Variants in PARVB observed in about 807,000 individuals in gnomAD.
The protein encoded by PARVB is beta-parvin.
A neutral mutation model predicts 47.0 loss-of-function variants in PARVB; 46 were observed. That is an observed-to-expected ratio of 0.98 (90% CI 0.77 to 1.25). The LOEUF is 1.25. Ranked by LOEUF, PARVB falls within the 50% of genes most tolerant of loss-of-function variation. PARVB has a pLI of 0.00. For missense variants in PARVB, 473 were observed against 471.6 expected (o/e 1.00, Z -0.03); for synonymous variants, 196 against 196.3 (o/e 1.00, Z 0.01).
chr22:44,161,669 C>T (rs1487912287), intron 11 of PARVB, among the ~76,000 whole-genome samples: 1 of 152,170 alleles, frequency 6.6e-6, no homozygotes, highest in South Asian at 2.1e-4. Flanking sequence ...GCACCACCCT[C>T]CTTTGTGAAG....
At chr22:44,032,431 T>A (rs1370602789) in intron 1 of PARVB, among the ~76,000 whole-genome samples, 2 of 152,094 alleles carry the variant, frequency 1.3e-5, no homozygotes, top group Admixed American at 6.5e-5. Flanking sequence ...GCCCATTTCT[T>A]CATTTCTAAT....
At chr22:44,123,126 G>A (rs1258104742) in intron 4 of PARVB, among the ~76,000 whole-genome samples, 1 of 152,194 alleles carries the variant, frequency 6.6e-6, no homozygotes, top group Non-Finnish European at 1.5e-5. Context: ...CTTTCCTGTA[G>A]CCACTTTCTG....
intron 2 of PARVB, among the ~76,000 whole-genome samples, chr22:44,097,074 A>G (rs995866230): frequency 2.0e-5 from 3 of 151,784 alleles, no homozygotes; most frequent in African/African-American, 7.3e-5. Flanking sequence ...AGCCACCGAG[A>G]GGAGCATGGC....
intron 10 of PARVB, among the ~76,000 whole-genome samples, chr22:44,156,310 A>C (rs1601696599): frequency 1.2e-4 from 14 of 116,458 alleles, no homozygotes; most frequent in African/African-American, 1.7e-4. Flanking sequence ...AGACAGTTTC[A>C]CTCCTGTTAC....
At chr22:44,031,090 T>G (rs1046670515) in intron 1 of PARVB, among the ~76,000 whole-genome samples, 9 of 152,278 alleles carry the variant, frequency 5.9e-5, no homozygotes, top group African/African-American at 2.2e-4. Flanking sequence ...AATTCCACAC[T>G]GTTATCTCTA....
chr22:44,033,752 A>T (rs1220900132), intron 1 of PARVB, among the ~76,000 whole-genome samples: 1 of 152,232 alleles, frequency 6.6e-6, no homozygotes, highest in African/African-American at 2.4e-5. Context: ...TTACAGTTCC[A>T]CAGGATCTAG....
intron 1 of PARVB, among the ~76,000 whole-genome samples, chr22:44,091,677 T>C (rs2052170705): frequency 1.3e-5 from 2 of 152,206 alleles, no homozygotes; most frequent in Non-Finnish European, 2.9e-5. Flanking sequence ...GGCTAGATAA[T>C]ATTCCGTTGT....
intron 2 of PARVB, among the ~76,000 whole-genome samples, chr22:44,011,205 C>T (rs967814042): frequency 4.6e-5 from 7 of 152,078 alleles, no homozygotes; most frequent in Admixed American, 3.9e-4. Context: ...AACTCCAGGG[C>T]TCAAGTGATC....
Position 44,147,853 on chromosome 22 carries a change from G to A in PARVB, c.713-8G>A. On this transcript the variant is annotated splice_polypyrimidine_tract_variant and splice_region_variant and intron_variant, in intron 8 of 12. Transcript: ENST00000338758. Reference sequence around the variant, plus strand: ...CGCTCCTTCGTGTCTCTCTTTGCATGTCCTCAGAGCGGGATGCCTTCGACA... The same window carrying A: ...CGCTCCTTCGTGTCTCTCTTTGCATATCCTCAGAGCGGGATGCCTTCGACA... 1 of 1,613,738 alleles carries A rather than the reference G, an allele frequency of 6.2e-7. No homozygotes were observed. The highest frequency in any genetic ancestry group is 8.5e-7 in the Non-Finnish European group (1 of 1,179,660).
At chr22:44,119,190 G>A (rs754042989) in intron 4 of PARVB, 50 bp downstream of exon 4, 63 of 1,314,852 alleles carry the variant, frequency 4.8e-5, no homozygotes, top group Middle Eastern at 1.8e-4. Flanking sequence ...TCCCTGCAGC[G>A]GCCCTGGGCT....
intron 1 of PARVB, among the ~76,000 whole-genome samples, chr22:44,071,951 C>T (rs901999845): frequency 3.3e-5 from 5 of 152,248 alleles, no homozygotes; most frequent in African/African-American, 4.8e-5. Context: ...TTCTGCGTCT[C>T]TGCCAGTTGC....
At chr22:44,124,479 G>A (rs976974357) in intron 4 of PARVB, among the ~76,000 whole-genome samples, 1 of 152,172 alleles carries the variant, frequency 6.6e-6, no homozygotes, top group Non-Finnish European at 1.5e-5. Flanking sequence ...TTGGTGGAAG[G>A]GTCTCCCCAT....
intron 1 of PARVB, among the ~76,000 whole-genome samples, chr22:44,065,510 G>A (rs973365763): frequency 2.0e-5 from 3 of 152,136 alleles, no homozygotes; most frequent in Non-Finnish European, 2.9e-5. Context: ...TTGGGGAACA[G>A]GTGTGTTTGG....
intron 11 of PARVB, among the ~76,000 whole-genome samples, chr22:44,161,695 CT>C (rs2054056580): frequency 6.6e-6 from 1 of 152,210 alleles, no homozygotes; most frequent in Non-Finnish European, 1.5e-5. Flanking sequence ...TGATATTCAC[CT>C]CGTACAGGGC....
rs543363840 is a variant in PARVB at position 44,074,768 on chromosome 22, C to A, written c.113-19160C>A. Reference sequence around the variant, plus strand: ...GCCAGGCCAGTGTGGGCGTGGGGGGCAGTTAGAGCGTGGCCGTGTGGTGTG... The same window carrying A: ...GCCAGGCCAGTGTGGGCGTGGGGGGAAGTTAGAGCGTGGCCGTGTGGTGTG... On this transcript the variant is annotated intron_variant, in intron 1 of 12. Coordinates refer to ENST00000338758, the MANE Select transcript of PARVB (RefSeq NM_013327.5). Among the ~76,000 whole-genome samples the A allele has an allele frequency of 3.9e-5, 6 of 152,316 alleles. No homozygotes were observed. The South Asian group carries it at 1.2e-3, about 32-fold the overall frequency.
chr22:44,041,456 C>T (rs1196747678), intron 1 of PARVB, among the ~76,000 whole-genome samples: 1 of 152,094 alleles, frequency 6.6e-6, no homozygotes, highest in African/African-American at 2.4e-5. Context: ...TGTGCCACTG[C>T]ACTCCGGCCA....
chr22:44,124,846 G>C (rs144598663), intron 4 of PARVB, among the ~76,000 whole-genome samples: 175 of 152,122 alleles, frequency 1.2e-3, no homozygotes, highest in African/African-American at 3.8e-3. Context: ...CGTGGACTGC[G>C]GGGGGACTGC....
intron 1 of PARVB, among the ~76,000 whole-genome samples, chr22:44,030,156 G>C (rs1443586247): frequency 6.6e-6 from 1 of 152,220 alleles, no homozygotes; most frequent in East Asian, 1.9e-4. Context: ...TGGCAGGGGG[G>C]CCTGCACTGC....
rs575053347 is a variant in PARVB at position 44,092,185 on chromosome 22, A to C, written c.113-1743A>C. ...GAGTGCACTGGTGTGATCTTGGCTCACTGCAACCTCCGCCTCCTGGGTTCA... is the reference window on the plus strand; with the variant it reads ...GAGTGCACTGGTGTGATCTTGGCTCCCTGCAACCTCCGCCTCCTGGGTTCA... On this transcript the variant is annotated intron_variant, in intron 1 of 12. Coordinates refer to ENST00000338758, the MANE Select transcript of PARVB (RefSeq NM_013327.5). Among the ~76,000 whole-genome samples the C allele has an allele frequency of 7.9e-5, 12 of 152,202 alleles. No individual in the cohort carries two copies. In the East Asian group the frequency reaches 2.1e-3, roughly 27 times the overall value.
Sources: allele counts gnomAD v4.1 joint callset (sites outside exome capture counted in the v4.1 genomes callset), GRCh38; gene constraint gnomAD v4.1.1; transcripts MANE v1.5; gene names NCBI Gene and HGNC (gene_info 2026-07-23, HGNC 2026-07-21).